Variants in CTNNA2 observed in about 807,000 individuals in gnomAD.
CTNNA2 encodes catenin alpha 2.
A neutral mutation model predicts 101.0 loss-of-function variants in CTNNA2; 42 were observed. That is an observed-to-expected ratio of 0.42 (90% CI 0.32 to 0.54). CTNNA2 has a LOEUF of 0.54. Among genes scored for constraint, CTNNA2 ranks in the 20% least tolerant of loss-of-function variants. CTNNA2 has a pLI of 0.14. For missense variants in CTNNA2, 871 were observed against 1,223.1 expected (o/e 0.71, Z 4.29); for synonymous variants, 450 against 456.4 (o/e 0.99, Z 0.18).
chr2:80,538,014 C>T (rs934618082), intron 9 of CTNNA2, among the ~76,000 whole-genome samples: 22 of 152,114 alleles, frequency 1.4e-4, no homozygotes, highest in Admixed American at 1.0e-3. Context: ...GTTTGTTGGC[C>T]GCATAAATGT....
rs79052908 is a variant in CTNNA2 at position 79,278,887 on chromosome 2, G to T, written c.-405-33822G>T. ...GGATAGGACTACAGTATGGCATAGAGAATGTATCTGGGAAAGGAGAACAAG... is the reference window on the plus strand; with the variant it reads ...GGATAGGACTACAGTATGGCATAGATAATGTATCTGGGAAAGGAGAACAAG... On this transcript the variant is annotated intron_variant, in intron 2 of 21. Coordinates refer to the CTNNA2 transcript ENST00000466387. 2.6e-5 allele frequency among the ~76,000 whole-genome samples: 4 copies of T among 152,218 alleles called. No individual in the cohort carries two copies. In the East Asian group the frequency reaches 7.7e-4, roughly 29 times the overall value.
Position 80,546,477 on chromosome 2 carries a change from T to G in CTNNA2, c.1540+414T>G, listed in dbSNP as rs151276846. 1.5e-3 allele frequency among the ~76,000 whole-genome samples: 222 copies of G among 152,326 alleles called. 1 individual carries two copies. Among genetic ancestry groups the G allele is most frequent in the African/African-American group, 4.1e-3 (169 of 41,574 alleles). On this transcript the variant is annotated intron_variant, in intron 11 of 18. Transcript: ENST00000402739. ...GTTAAGTTTTGTTTTGTTTTGTTTT[T>G]TTTCCAACAAGTGAAGGTTTGTGAT...
At chr2:79,643,134 T>A (rs900056628) in intron 1 of CTNNA2, among the ~76,000 whole-genome samples, 33 of 152,030 alleles carry the variant, frequency 2.2e-4, no homozygotes, top group Admixed American at 8.5e-4. Flanking sequence ...GGGGTTGCAG[T>A]GAGCCTAGAT....
At chr2:80,047,481 G>A (rs937423123) in intron 7 of CTNNA2, among the ~76,000 whole-genome samples, 5 of 152,260 alleles carry the variant, frequency 3.3e-5, no homozygotes, top group African/African-American at 1.2e-4. Flanking sequence ...ATTCCTTAGG[G>A]GGTTAGGGAA....
chr2:80,248,593 C>T (rs554718897), intron 7 of CTNNA2, among the ~76,000 whole-genome samples: 1 of 152,154 alleles, frequency 6.6e-6, no homozygotes, highest in African/African-American at 2.4e-5. Flanking sequence ...TTTTGTCTGC[C>T]GTCTTCCAAC....
At chr2:80,137,135 C>A (rs1464564319) in intron 7 of CTNNA2, among the ~76,000 whole-genome samples, 1 of 152,096 alleles carries the variant, frequency 6.6e-6, no homozygotes, top group African/African-American at 2.4e-5. Context: ...GGAGACCACA[C>A]AGCACACAGG....
intron 1 of CTNNA2, among the ~76,000 whole-genome samples, chr2:79,600,842 C>G (rs1677507250): frequency 1.3e-5 from 2 of 151,994 alleles, no homozygotes; most frequent in Non-Finnish European, 2.9e-5. Context: ...TCTTTGTGTT[C>G]CCACGCAACA....
chr2:80,440,731 T>C lies in CTNNA2; in HGVS notation c.1290+21130T>C, dbSNP rs558965326. Among the ~76,000 whole-genome samples the C allele has an allele frequency of 1.9e-3, 282 of 152,312 alleles. 1 individual carries two copies. The highest frequency in any genetic ancestry group is 6.5e-3 in the African/African-American group (269 of 41,564). ...ACGGGAATTTGTGATCTAAATGCTA[T>C]GAAAGCATATTTGACATCTCTTAGG... On this transcript the variant is annotated intron_variant, in intron 9 of 18. Transcript: ENST00000402739.
chr2:79,645,076 G>A (rs572353912), intron 1 of CTNNA2, among the ~76,000 whole-genome samples: 13 of 151,936 alleles, frequency 8.6e-5, no homozygotes, highest in African/African-American at 2.9e-4. Flanking sequence ...TCTGCCTCCT[G>A]GGCTCAGGCC....
chr2:80,225,095 C>T (rs1348416727), intron 7 of CTNNA2, among the ~76,000 whole-genome samples: 1 of 152,130 alleles, frequency 6.6e-6, no homozygotes, highest in African/African-American at 2.4e-5. Flanking sequence ...ATGTTTGGTT[C>T]CATGAGTGGC....
At chr2:80,501,500 G>T (rs762332019) in intron 9 of CTNNA2, among the ~76,000 whole-genome samples, 1 of 152,132 alleles carries the variant, frequency 6.6e-6, no homozygotes, top group African/African-American at 2.4e-5. Context: ...ATGAACTGGG[G>T]TTAGAAACTC....
intron 7 of CTNNA2, chr2:80,378,546 TGA>T (rs1676203020): frequency 6.6e-6 from 1 of 152,116 alleles, no homozygotes; most frequent in Non-Finnish European, 1.5e-5. Flanking sequence ...GTTGTATATA[TGA>T]TTAACAAATG....
chr2:79,672,651 A>G (rs1682917223), intron 2 of CTNNA2, among the ~76,000 whole-genome samples: 1 of 152,046 alleles, frequency 6.6e-6, no homozygotes, highest in African/African-American at 2.4e-5. Context: ...AAAATAGGAT[A>G]ACTACCTGAA....
chr2:80,302,246 G>T lies in CTNNA2; in HGVS notation c.1057-90965G>T. Reference sequence around the variant, plus strand: ...TAGCGCATGGGTTGAGAGCCACTGGGACAATCACACCTCGCATTCCCTCGC... The same window carrying T: ...TAGCGCATGGGTTGAGAGCCACTGGTACAATCACACCTCGCATTCCCTCGC... On this transcript the variant is annotated intron_variant, in intron 7 of 18. Coordinates refer to ENST00000402739, the MANE Select transcript of CTNNA2 (RefSeq NM_001282597.3). This position sits in a 1 kb window ranked among gnomAD's most constrained non-coding sequence, Gnocchi z 6.4. 1 of 1,610,888 alleles carries T rather than the reference G, an allele frequency of 6.2e-7. No individual in the cohort carries two copies. Among genetic ancestry groups the T allele is most frequent in the Non-Finnish European group, 8.5e-7 (1 of 1,178,484 alleles).
chr2:79,735,784 A>G (rs115075818), intron 2 of CTNNA2, among the ~76,000 whole-genome samples: 171 of 152,310 alleles, frequency 1.1e-3, no homozygotes, highest in African/African-American at 3.8e-3. Context: ...CTGGTCTTCC[A>G]GGTCTCAGTA....
intron 9 of CTNNA2, among the ~76,000 whole-genome samples, chr2:80,490,675 A>G (rs1686991370): frequency 6.6e-6 from 1 of 152,092 alleles, no homozygotes; most frequent in Admixed American, 6.6e-5. Flanking sequence ...AGATTTACCT[A>G]TAGTACATTT....
At chr2:79,917,596 G>C (rs1220775234) in intron 7 of CTNNA2, among the ~76,000 whole-genome samples, 1 of 152,162 alleles carries the variant, frequency 6.6e-6, no homozygotes, top group Non-Finnish European at 1.5e-5. Flanking sequence ...TGGGAAACTG[G>C]TAGAGGGTTT....
At chr2:79,831,086 C>A (rs1049372276) in intron 3 of CTNNA2, among the ~76,000 whole-genome samples, 4 of 151,854 alleles carry the variant, frequency 2.6e-5, no homozygotes, top group Non-Finnish European at 5.9e-5. Flanking sequence ...AAATTACTGT[C>A]ATTTTGATCA....
At chr2:80,377,699 G>A (rs1676090343) in intron 7 of CTNNA2, among the ~76,000 whole-genome samples, 1 of 152,184 alleles carries the variant, frequency 6.6e-6, no homozygotes, top group South Asian at 2.1e-4. Flanking sequence ...CCCACCCTAA[G>A]TCTTAGTGTC....
Sources: allele counts gnomAD v4.1 joint callset (sites outside exome capture counted in the v4.1 genomes callset), GRCh38; gene constraint gnomAD v4.1.1; non-coding constraint Gnocchi (gnomAD v3.1); transcripts MANE v1.5; gene names NCBI Gene and HGNC (gene_info 2026-07-23, HGNC 2026-07-21).